The following SYNPO2 variants were observed in gnomAD, a reference collection of about 807,000 sequenced individuals.
SYNPO2 encodes the protein synaptopodin-2.
Under a neutral mutation model 85.0 loss-of-function variants are expected in SYNPO2, and 56 were observed. The observed-to-expected ratio is 0.66, with a 90% CI of 0.53 to 0.82. The LOEUF (loss-of-function observed/expected upper bound fraction) is 0.82. SYNPO2 is among the 40% of genes least tolerant of loss of function. SYNPO2 has a pLI of 0.00. For synonymous variants in SYNPO2, 602 were observed against 591.1 expected, an observed-to-expected ratio of 1.02 and a Z score of -0.27; for missense variants, 1,575 against 1,534.2, an observed-to-expected ratio of 1.03 and a Z score of -0.44.
At chr4:118,936,856 G>T (rs1336180436) in intron 1 of SYNPO2, among the ~76,000 whole-genome samples, 1 of 152,176 alleles carries the variant, frequency 6.6e-6, no homozygotes, top group Non-Finnish European at 1.5e-5. Flanking sequence ...AGGAAGTTGA[G>T]CAGTGGTTTA....
chr4:119,009,943 G>A (rs971198667), intron 1 of SYNPO2, among the ~76,000 whole-genome samples: 1 of 152,200 alleles, frequency 6.6e-6, no homozygotes, highest in African/African-American at 2.4e-5. Flanking sequence ...AAGCCTCCAG[G>A]TGATTCCATT....
chr4:118,933,839 T>TTTTTTTTTTTTTTG, intron 1 of SYNPO2, among the ~76,000 whole-genome samples: 1 of 148,026 alleles, frequency 6.8e-6, no homozygotes, highest in Non-Finnish European at 1.5e-5. Flanking sequence ...GTTTTTTTTT[T>TTTTTTTTTTTTTTG]TTTTTTTGGA....
At chr4:119,019,536 T>A (rs952209909) in intron 1 of SYNPO2, among the ~76,000 whole-genome samples, 3 of 149,742 alleles carry the variant, frequency 2.0e-5, no homozygotes, top group Non-Finnish European at 1.5e-5. Context: ...TTTTAATTTT[T>A]AAAAATATTT....
intron 1 of SYNPO2, among the ~76,000 whole-genome samples, chr4:118,947,190 T>C (rs1343337010): frequency 6.6e-6 from 1 of 152,234 alleles, no homozygotes; most frequent in East Asian, 1.9e-4. Context: ...GATACACTTC[T>C]CTGTCATCTC....
At chr4:118,985,213 G>A (rs1170242373) in intron 1 of SYNPO2, among the ~76,000 whole-genome samples, 5 of 152,198 alleles carry the variant, frequency 3.3e-5, no homozygotes. Flanking sequence ...GGTTGTAGAG[G>A]CAGATAATCC....
chr4:118,918,713 A>C (rs1268680596), intron 1 of SYNPO2, among the ~76,000 whole-genome samples: 1 of 152,218 alleles, frequency 6.6e-6, no homozygotes, highest in African/African-American at 2.4e-5. Context: ...TTGCAGATAA[A>C]GTAAGTTGTT....
chr4:119,038,717 A>G (rs1406937799), intron 4 of SYNPO2, among the ~76,000 whole-genome samples: 2 of 152,208 alleles, frequency 1.3e-5, no homozygotes, highest in Non-Finnish European at 2.9e-5. Context: ...ACTCTGAAAA[A>G]GAGTTACCCC....
chr4:118,948,457 A>G (rs1734579100), intron 1 of SYNPO2, among the ~76,000 whole-genome samples: 1 of 152,174 alleles, frequency 6.6e-6, no homozygotes, highest in Non-Finnish European at 1.5e-5. Flanking sequence ...CCAGCATTTC[A>G]TTTTATTTGG....
At chr4:118,921,263 C>T (rs1464022729) in intron 1 of SYNPO2, among the ~76,000 whole-genome samples, 1 of 152,104 alleles carries the variant, frequency 6.6e-6, no homozygotes, top group Non-Finnish European at 1.5e-5. Flanking sequence ...ATTTCATGGT[C>T]AGTCCACTGT....
At chr4:118,955,660 G>T (rs1409051219) in intron 1 of SYNPO2, among the ~76,000 whole-genome samples, 4 of 152,204 alleles carry the variant, frequency 2.6e-5, no homozygotes, top group African/African-American at 9.6e-5. Flanking sequence ...GAAGGCCAGT[G>T]TGCCCAGAGC....
At chr4:119,001,118 C>T (rs1165507926) in intron 1 of SYNPO2, among the ~76,000 whole-genome samples, 1 of 152,230 alleles carries the variant, frequency 6.6e-6, no homozygotes, top group Admixed American at 6.5e-5. Flanking sequence ...CTTTGTGCCC[C>T]ATGGGGGGTG....
At chr4:119,009,255 G>T (rs1349933298) in intron 1 of SYNPO2, among the ~76,000 whole-genome samples, 2 of 152,184 alleles carry the variant, frequency 1.3e-5, no homozygotes, top group African/African-American at 4.8e-5. Context: ...TTACACATAG[G>T]TAGTCAGTTT....
chr4:118,934,217 G>A (rs28654142), intron 1 of SYNPO2, among the ~76,000 whole-genome samples: 3,497 of 152,144 alleles, frequency 0.023, 139 homozygotes, highest in African/African-American at 0.078. Flanking sequence ...AAATCAAAAG[G>A]AGACTCCACT....
At chr4:118,900,719 A>C (rs1187016570) in intron 1 of SYNPO2, among the ~76,000 whole-genome samples, 4 of 121,880 alleles carry the variant, frequency 3.3e-5, no homozygotes, top group South Asian at 3.0e-4. Context: ...ATATATATAT[A>C]TATATATATA....
chr4:119,055,619 G>A (rs1739184707), intron 4 of SYNPO2, among the ~76,000 whole-genome samples: 1 of 152,196 alleles, frequency 6.6e-6, no homozygotes, highest in African/African-American at 2.4e-5. Context: ...TGTTAAATGA[G>A]TCTATGAAAT....
At chr4:118,936,550 A>G (rs967790889) in intron 1 of SYNPO2, among the ~76,000 whole-genome samples, 10 of 152,166 alleles carry the variant, frequency 6.6e-5, no homozygotes, top group African/African-American at 2.4e-4. Flanking sequence ...CAGGTCACTG[A>G]CATTACTGTT....
intron 1 of SYNPO2, among the ~76,000 whole-genome samples, chr4:118,969,666 C>G (rs1034960543): frequency 6.6e-6 from 1 of 152,144 alleles, no homozygotes; most frequent in Non-Finnish European, 1.5e-5. Flanking sequence ...TTCCTGTGAA[C>G]CAGGACTTTC....
chr4:119,033,354 C>T (rs1738366170), intron 4 of SYNPO2: 9 of 985,382 alleles, frequency 9.1e-6, no homozygotes, highest in Non-Finnish European at 8.4e-6. Flanking sequence ...CAGGATAATT[C>T]AGGCAAGGTT....
intron 4 of SYNPO2, chr4:119,033,032 A>G: frequency 4.1e-6 from 4 of 982,212 alleles, no homozygotes; most frequent in Non-Finnish European, 4.8e-6. Context: ...GTGGTAGAGT[A>G]TACAGGATAA....
Sources: gnomAD v4.1 joint callset for allele counts (sites outside exome capture counted in the v4.1 genomes callset) on GRCh38, gnomAD v4.1.1 for gene constraint, MANE v1.5 for transcripts, NCBI Gene and HGNC (gene_info 2026-07-23, HGNC 2026-07-21) for gene names.